SIPA1L3: variants seen among roughly 807,000 people sequenced by gnomAD.
SIPA1L3 encodes the protein signal-induced proliferation-associated 1-like protein 3.
In SIPA1L3, 59 loss-of-function variants were observed where a neutral mutation model predicts 150.1. The observed-to-expected ratio is 0.39, with a 90% CI of 0.32 to 0.49. The LOEUF (loss-of-function observed/expected upper bound fraction) is 0.49. SIPA1L3 is among the 20% of genes least tolerant of loss of function. The probability of loss-of-function intolerance (pLI) is 0.86; values close to 1 mark genes in which losing one functional copy is unlikely to be tolerated. For synonymous variants in SIPA1L3, 1,070 were observed against 1,077.6 expected (o/e 0.99, Z 0.14); for missense variants, 2,211 against 2,489.5 (o/e 0.89, Z 2.38).
chr19:38,010,883 G>GT (rs1168793597), intron 1 of SIPA1L3, among the ~76,000 whole-genome samples: 2 of 152,144 alleles, frequency 1.3e-5, no homozygotes, highest in Admixed American at 6.5e-5. Context: ...AAGGATGGTT[G>GT]TGAGTATTCA....
At chr19:38,014,578 G>A (rs1968185632) in intron 1 of SIPA1L3, among the ~76,000 whole-genome samples, 1 of 144,742 alleles carries the variant, frequency 6.9e-6, no homozygotes, top group South Asian at 2.2e-4. Context: ...TAAATAAGAG[G>A]GTCTTGCTCT....
At chr19:38,087,138 A>T (rs1970151364) in intron 3 of SIPA1L3, among the ~76,000 whole-genome samples, 1 of 152,232 alleles carries the variant, frequency 6.6e-6, no homozygotes, top group African/African-American at 2.4e-5. Flanking sequence ...CCAAAGCCTG[A>T]CTAAAGTTTG....
At chr19:38,169,637 A>G (rs1313105360) in intron 15 of SIPA1L3, among the ~76,000 whole-genome samples, 2 of 152,230 alleles carry the variant, frequency 1.3e-5, no homozygotes, top group Admixed American at 1.3e-4. Flanking sequence ...ATCATGGGGT[A>G]TGAGGGTGTA....
Position 38,009,843 on chromosome 19 carries a change from G to A in SIPA1L3, c.-378-19246G>A, listed in dbSNP as rs112929490. Among the ~76,000 whole-genome samples the A allele has an allele frequency of 5.0e-3, 768 of 152,194 alleles. 12 individuals are homozygous for A. Among genetic ancestry groups the A allele is most frequent in the African/African-American group, 0.018 (746 of 41,520 alleles). On this transcript the variant is annotated intron_variant, in intron 1 of 21. Transcript: ENST00000222345. ...AGGACAGGGTCTGGTTTTCTATGAC[G>A]GCGTGATATGGATGGTTAATCATGT...
intron 2 of SIPA1L3, among the ~76,000 whole-genome samples, chr19:38,060,557 C>T (rs1969424306): frequency 6.6e-6 from 1 of 152,230 alleles, no homozygotes; most frequent in East Asian, 1.9e-4. Context: ...AATGAATGCA[C>T]AGATGGCACA....
chr19:38,110,715 C>T (rs1970718758), intron 8 of SIPA1L3, among the ~76,000 whole-genome samples: 1 of 152,184 alleles, frequency 6.6e-6, no homozygotes, highest in Non-Finnish European at 1.5e-5. Flanking sequence ...GCTGGATCTG[C>T]CACCGCCCTC....
chr19:38,007,820 C>T (rs912206900), intron 1 of SIPA1L3, among the ~76,000 whole-genome samples: 5 of 152,220 alleles, frequency 3.3e-5, no homozygotes, highest in African/African-American at 7.2e-5. Flanking sequence ...CATCTCTGAG[C>T]GGCCTTCCTC....
chr19:37,924,334 C>T (rs62112284), intron 1 of SIPA1L3, among the ~76,000 whole-genome samples: 15 of 151,938 alleles, frequency 9.9e-5, no homozygotes, highest in African/African-American at 3.6e-4. Flanking sequence ...CAGTAACACA[C>T]GTGGAGCTGT....
At chr19:37,996,886 G>A (rs1384428118) in intron 1 of SIPA1L3, among the ~76,000 whole-genome samples, 1 of 151,806 alleles carries the variant, frequency 6.6e-6, no homozygotes, top group Non-Finnish European at 1.5e-5. Flanking sequence ...TAGTAGAGAC[G>A]GGGTTTCACC....
At chr19:37,909,152 A>T (rs1049810709) in intron 1 of SIPA1L3, among the ~76,000 whole-genome samples, 2 of 152,222 alleles carry the variant, frequency 1.3e-5, no homozygotes, top group Admixed American at 6.5e-5. Flanking sequence ...CGAAGCTGCC[A>T]TTTCATAGAA....
At chr19:38,031,132 T>C (rs111435390) in intron 2 of SIPA1L3, among the ~76,000 whole-genome samples, 1,662 of 152,294 alleles carry the variant, frequency 0.011, 30 homozygotes, top group African/African-American at 0.039. Flanking sequence ...TTGATTACTT[T>C]TATTTTGAAG....
Position 38,047,553 on chromosome 19 carries a change from C to A in SIPA1L3, c.-311+18397C>A, listed in dbSNP as rs971909959. Among the ~76,000 whole-genome samples, 1 of 152,184 alleles carries A rather than the reference C, an allele frequency of 6.6e-6. No homozygotes were observed. The highest frequency in any genetic ancestry group is 6.5e-5 in the Admixed American group (1 of 15,278). ...TTTGTGTTATTTTTTCCTCCTTCGACCTCGATCCCTCCTGCCACTCACTTT... is the reference window on the plus strand; with the variant it reads ...TTTGTGTTATTTTTTCCTCCTTCGAACTCGATCCCTCCTGCCACTCACTTT... On this transcript the variant is annotated intron_variant, in intron 2 of 21. Coordinates refer to ENST00000222345, the MANE Select transcript of SIPA1L3 (RefSeq NM_015073.3). The surrounding 1 kb of genome is among the most constrained non-coding windows in gnomAD (Gnocchi z 4.7).
At chr19:37,982,285 G>A (rs833916) in intron 1 of SIPA1L3, among the ~76,000 whole-genome samples, 125,986 of 152,156 alleles carry the variant, frequency 0.83, 52,708 homozygotes, top group African/African-American at 0.94. Context: ...CTGATTGCCT[G>A]GTGGACACTC....
chr19:37,994,801 C>T (rs1454539282), intron 1 of SIPA1L3, among the ~76,000 whole-genome samples: 1 of 152,188 alleles, frequency 6.6e-6, no homozygotes, highest in Non-Finnish European at 1.5e-5. Flanking sequence ...TCAGTTGGGA[C>T]ACACTGGGCT....
At chr19:38,130,822 G>A (rs1347380820) in intron 10 of SIPA1L3, 50 bp downstream of exon 10, 27 of 1,553,456 alleles carry the variant, frequency 1.7e-5, no homozygotes, top group East Asian at 2.3e-5. Flanking sequence ...CTCCCAGATC[G>A]CTGGCATGAG....
chr19:38,069,635 G>C (rs1002927181), intron 2 of SIPA1L3, among the ~76,000 whole-genome samples: 3 of 152,048 alleles, frequency 2.0e-5, no homozygotes. Context: ...CTCTGGGAGT[G>C]GGGTGTGGAC....
intron 1 of SIPA1L3, among the ~76,000 whole-genome samples, chr19:37,961,954 C>T (rs1304060363): frequency 6.6e-6 from 1 of 151,788 alleles, no homozygotes; most frequent in Non-Finnish European, 1.5e-5. Flanking sequence ...TGCTTTTTTT[C>T]TAATTTCTAT....
chr19:38,045,450 G>A (rs990675587), intron 2 of SIPA1L3, among the ~76,000 whole-genome samples: 3 of 150,714 alleles, frequency 2.0e-5, no homozygotes, highest in African/African-American at 7.3e-5. Context: ...ATAAAGAAAA[G>A]GTACACAGCC....
At chr19:38,112,012 CAT>C in intron 8 of SIPA1L3, among the ~76,000 whole-genome samples, 1 of 148,716 alleles carries the variant, frequency 6.7e-6, no homozygotes, top group South Asian at 2.1e-4. Flanking sequence ...CAGGCACACA[CAT>C]GCACACACAC....
Sources: allele counts gnomAD v4.1 joint callset (sites outside exome capture counted in the v4.1 genomes callset), GRCh38; gene constraint gnomAD v4.1.1; non-coding constraint Gnocchi (gnomAD v3.1); transcripts MANE v1.5; gene names NCBI Gene and HGNC (gene_info 2026-07-23, HGNC 2026-07-21).